NCKAP1L: variants seen among roughly 807,000 people sequenced by gnomAD.
NCKAP1L encodes nck-associated protein 1-like.
Under a neutral mutation model 139.2 loss-of-function variants are expected in NCKAP1L, and 53 were observed. That is an observed-to-expected ratio of 0.38 (90% CI 0.31 to 0.48). The LOEUF (loss-of-function observed/expected upper bound fraction) is 0.48, where lower values mean the gene tolerates loss of function less well. Ranked by LOEUF, NCKAP1L falls within the 20% of genes least tolerant of loss-of-function variation. NCKAP1L has a pLI of 0.98. For synonymous variants in NCKAP1L, 468 were observed against 499.7 expected (o/e 0.94, Z 0.85); for missense variants, 1,151 against 1,381.9 (o/e 0.83, Z 2.65).
chr12:54,535,088 A>G lies in NCKAP1L; in HGVS notation c.2863-16A>G, dbSNP rs768290165. The G allele has an allele frequency of 6.2e-7, 1 of 1,609,024 alleles. No individual in the cohort carries two copies. Among genetic ancestry groups the G allele is most frequent in the Non-Finnish European group, 8.5e-7 (1 of 1,176,608 alleles). ...TCCTGCGAATCCTCTCTAGAATGTTATTTTCTTCTCTCCAGGTGACCTTGA... is the reference window on the plus strand; with the variant it reads ...TCCTGCGAATCCTCTCTAGAATGTTGTTTTCTTCTCTCCAGGTGACCTTGA... On this transcript the variant is annotated splice_polypyrimidine_tract_variant and intron_variant, in intron 26 of 30. Transcript: ENST00000293373.
chr12:54,517,446 A>G (rs1592343455), intron 11 of NCKAP1L, 87 bp from the exon 12 acceptor site: 1 of 877,124 alleles, frequency 1.1e-6, no homozygotes, highest in Non-Finnish European at 1.9e-6. Flanking sequence ...AATTACATCC[A>G]TACCTATATT....
Position 54,538,893 on chromosome 12 carries a change from G to C in NCKAP1L, c.3193G>C (p.Val1065Leu). 5 of 1,614,006 alleles carry C rather than the reference G, an allele frequency of 3.1e-6. No homozygotes were observed. Among genetic ancestry groups the C allele is most frequent in the Non-Finnish European group, 4.2e-6 (5 of 1,179,918 alleles). The change falls in exon 30 of 31, where the codon GTC (valine) becomes CTC (leucine). Residue 1065 changes from valine to leucine, a missense_variant. Val to Leu is a conservative substitution (Grantham distance 32). Coordinates refer to ENST00000293373, the MANE Select transcript of NCKAP1L (RefSeq NM_005337.5). ...HLKEFLVVAS[V>L]SLLQLGQETD... Reference sequence around the variant, plus strand: ...AATTCTTCCCTTACAGGTGGCCTCTGTCAGCCTCTTGCAGCTGGGCCAGGA... The same window carrying C: ...AATTCTTCCCTTACAGGTGGCCTCTCTCAGCCTCTTGCAGCTGGGCCAGGA...
intron 9 of NCKAP1L, among the ~76,000 whole-genome samples, chr12:54,513,197 G>C (rs1208859551): frequency 1.3e-5 from 2 of 152,156 alleles, no homozygotes; most frequent in African/African-American, 4.8e-5. Flanking sequence ...AAATTAGAAG[G>C]AATTGAGGAT....
intron 20 of NCKAP1L, 85 bp from the exon 21 acceptor site, chr12:54,526,443 C>T: frequency 1.9e-6 from 2 of 1,078,910 alleles, no homozygotes; most frequent in Non-Finnish European, 2.8e-6. Flanking sequence ...TAGCACAGCA[C>T]CTGGAACACA....
At chr12:54,498,396 T>TG (rs1374100837) in intron 1 of NCKAP1L, among the ~76,000 whole-genome samples, 2 of 143,884 alleles carry the variant, frequency 1.4e-5, no homozygotes, top group African/African-American at 2.7e-5. Context: ...CATGCTGTGG[T>TG]GGTTGTGTGT....
chr12:54,510,096 T>A, intron 7 of NCKAP1L, 111 bp downstream of exon 7: 1 of 1,371,996 alleles, frequency 7.3e-7, no homozygotes, highest in Non-Finnish European at 9.9e-7. Context: ...GCTTTAGTCT[T>A]CTTCTAGGGT....
At chr12:54,533,199 G>A (rs1446476097) in intron 26 of NCKAP1L, among the ~76,000 whole-genome samples, 2 of 152,134 alleles carry the variant, frequency 1.3e-5, no homozygotes, top group Non-Finnish European at 2.9e-5. Context: ...ACCTGCTGAT[G>A]TTGGTCCAAA....
At chr12:54,540,017 G>A (rs1378518987) in intron 30 of NCKAP1L, among the ~76,000 whole-genome samples, 2 of 152,190 alleles carry the variant, frequency 1.3e-5, no homozygotes, top group Non-Finnish European at 2.9e-5. Flanking sequence ...GGACTGGGCT[G>A]GAAGCTTGTT....
intron 3 of NCKAP1L, among the ~76,000 whole-genome samples, chr12:54,506,035 C>T (rs2120884745): frequency 6.6e-6 from 1 of 152,322 alleles, no homozygotes; most frequent in African/African-American, 2.4e-5. Context: ...TGTTGATAGA[C>T]ATTTGAGTTG....
chr12:54,502,008 A>G (rs913613107), intron 3 of NCKAP1L, among the ~76,000 whole-genome samples: 2 of 152,222 alleles, frequency 1.3e-5, no homozygotes, highest in Admixed American at 6.5e-5. Context: ...AGCATTTTTC[A>G]TAGGCTTATT....
At chr12:54,532,087 CTTTT>C (rs35753004) in intron 25 of NCKAP1L, 79 bp from the exon 26 acceptor site, 414 of 877,594 alleles carry the variant, frequency 4.7e-4, no homozygotes, top group Middle Eastern at 9.7e-4. Context: ...AGTGCCCCTC[CTTTT>C]TTTTTTTTTT....
In NCKAP1L at chr12:54,509,776, T is replaced by C. The variant is rs777655016; in HGVS notation, c.597+17T>C. 6.2e-7 allele frequency: 1 copy of C among 1,614,126 alleles called. No individual in the cohort carries two copies. The highest frequency in any genetic ancestry group is 2.2e-5 in the East Asian group (1 of 44,876). ...CACACAAAGGCAAGTTCCCTGACAA[T>C]GGAGAATTCCTCAGGCAAAAGTATA... On this transcript the variant is annotated intron_variant, in intron 6 of 30. Coordinates refer to ENST00000293373, the MANE Select transcript of NCKAP1L (RefSeq NM_005337.5).
At chr12:54,538,476 C>G (rs1957130872) in intron 29 of NCKAP1L, among the ~76,000 whole-genome samples, 1 of 152,158 alleles carries the variant, frequency 6.6e-6, no homozygotes, top group South Asian at 2.1e-4. Flanking sequence ...ATACCACGAG[C>G]AAGAGCTGTG....
At position 54,546,570 on chromosome 12, in the gene NCKAP1L, T is replaced by G. The variant is rs1021195597; in HGVS notation, c.*3885T>G. 6.6e-6 allele frequency: 1 copy of G among 152,074 alleles called. No individual in the cohort carries two copies. Among genetic ancestry groups the G allele is most frequent in the African/African-American group, 2.4e-5 (1 of 41,386 alleles). The allele number at this position is 152,074 out of a possible 1,614,324, so 9.4% of individuals were successfully genotyped here. ...TTATATTAGTTCTTCTCCAACAAAG[T>G]TTGACTTTGAGAAGAAGCTGGCACA... On this transcript the variant is annotated 3_prime_UTR_variant, in exon 31 of 31. Coordinates refer to ENST00000293373, the MANE Select transcript of NCKAP1L (RefSeq NM_005337.5).
chr12:54,498,747 G>C, intron 1 of NCKAP1L: 1 of 981,466 alleles, frequency 1.0e-6, no homozygotes, highest in South Asian at 4.7e-5. Flanking sequence ...TGTTCCTTCC[G>C]GCTTCAGTTG....
chr12:54,527,491 G>A (rs909022600), intron 21 of NCKAP1L, among the ~76,000 whole-genome samples: 3 of 152,188 alleles, frequency 2.0e-5, no homozygotes, highest in Admixed American at 2.0e-4. Context: ...AACAGCCACC[G>A]CTTAGCTCCA....
rs541312884 is a variant in NCKAP1L at position 54,519,183 on chromosome 12, G to T, written c.1480-4G>T. ...TCTCCACACTTTCCCAACTCCAACC[G>T]CAGGCATACACTAGCGTGGCTAAGG... On this transcript the variant is annotated splice_polypyrimidine_tract_variant and splice_region_variant and intron_variant, in intron 15 of 30. Transcript: ENST00000293373. The T allele has an allele frequency of 6.4e-7, 1 of 1,556,372 alleles. No individual in the cohort carries two copies. The highest frequency in any genetic ancestry group is 8.6e-7 in the Non-Finnish European group (1 of 1,158,068).
In NCKAP1L at chr12:54,544,004, T is replaced by C. The variant is rs1957179664; in HGVS notation, c.*1319T>C. On this transcript the variant is annotated 3_prime_UTR_variant, in exon 31 of 31. Transcript: ENST00000293373. ...CCTGAAGCCTATTTGATAGCTGTTT[T>C]GGGGTTTTGTACATGTGTTTGCTTT... is the stretch of plus-strand genomic sequence containing the variant. 6.6e-5 allele frequency: 10 copies of C among 152,368 alleles called. No homozygotes were observed. The South Asian group carries it at 2.1e-3, about 32-fold the overall frequency. 9.4% of individuals were successfully genotyped at this position (152,368 alleles called of 1,614,324 possible).
chr12:54,516,358 T>C, intron 10 of NCKAP1L, 63 bp downstream of exon 10: 1 of 1,495,676 alleles, frequency 6.7e-7, no homozygotes. Flanking sequence ...TCACTTTTGT[T>C]CTCACCTAAG....
Sources: allele counts gnomAD v4.1 joint callset (sites outside exome capture counted in the v4.1 genomes callset), GRCh38; gene constraint gnomAD v4.1.1; transcripts MANE v1.5; gene names NCBI Gene and HGNC (gene_info 2026-07-23, HGNC 2026-07-21).